Variants in KIF13A observed in about 807,000 individuals in gnomAD.
KIF13A encodes kinesin family member 13A.
KIF13A carries 79 observed loss-of-function variants against 212.2 expected under a neutral mutation model. That is an observed-to-expected ratio of 0.37 (90% CI 0.31 to 0.45). KIF13A has a LOEUF of 0.45. KIF13A is among the 20% of genes least tolerant of loss of function. KIF13A has a pLI of 1.00. For synonymous variants in KIF13A, 789 were observed against 808.6 expected (o/e 0.98, Z 0.41); for missense variants, 1,901 against 2,209.0 (o/e 0.86, Z 2.79).
intron 2 of KIF13A, among the ~76,000 whole-genome samples, chr6:17,910,812 G>T (rs570909850): frequency 7.3e-4 from 111 of 152,334 alleles, no homozygotes; most frequent in Non-Finnish European, 3.2e-4. Context: ...GCCCAGGCTG[G>T]AGTGCAGTGG....
Position 17,919,068 on chromosome 6 carries a change from C to T in KIF13A, c.147-20888G>A, listed in dbSNP as rs931565818. On this transcript the variant is annotated intron_variant, in intron 2 of 38. Coordinates refer to ENST00000259711, the MANE Select transcript of KIF13A (RefSeq NM_022113.6). The surrounding 1 kb of genome is among the most constrained non-coding windows in gnomAD (Gnocchi z 4.1). The stretch of plus-strand genomic sequence containing the variant: ...ATGGACAGATGCAGTCCTTGGCTCA[C>T]ATCAACGGATCACTTGTAACATTTG... Among the ~76,000 whole-genome samples the T allele has an allele frequency of 7.9e-5, 12 of 152,318 alleles. No individual in the cohort carries two copies. The highest frequency in any genetic ancestry group is 2.4e-4 in the African/African-American group (10 of 41,580).
rs1766183911 is a variant in KIF13A, at chr6:17,838,389, A to G, written c.831-806T>C. On this transcript the variant is annotated intron_variant, in intron 9 of 38. Transcript: ENST00000259711. This position sits in a 1 kb window ranked among gnomAD's most constrained non-coding sequence, Gnocchi z 4.2. ...GACACAAACTAGCAAGTGAAAGACT[A>G]GACAGCTTTCTTTGTAATGTTAACA... Among the ~76,000 whole-genome samples, 1 of 152,192 alleles carries G rather than the reference A, an allele frequency of 6.6e-6. No individual in the cohort carries two copies. Among genetic ancestry groups the G allele is most frequent in the Non-Finnish European group, 1.5e-5 (1 of 68,028 alleles).
In KIF13A at chr6:17,792,506, C is replaced by T. The variant is rs191282566; in HGVS notation, c.3222+1743G>A. Among the ~76,000 whole-genome samples the T allele has an allele frequency of 7.0e-4, 107 of 152,312 alleles. 1 individual carries two copies. Among genetic ancestry groups the T allele is most frequent in the Admixed American group, 1.8e-3 (28 of 15,308 alleles). On this transcript the variant is annotated intron_variant, in intron 25 of 38. Coordinates refer to ENST00000259711, the MANE Select transcript of KIF13A (RefSeq NM_022113.6). ...TTAAGAACCCAGGTTTCCTGACTCC[C>T]AGTCTAGTGTTCTCTTTCGACCGTG...
rs1255973038 is a variant in KIF13A, at chr6:17,806,555, T to C, written c.2164-940A>G. On this transcript the variant is annotated intron_variant, in intron 18 of 38. Coordinates refer to ENST00000259711, the MANE Select transcript of KIF13A (RefSeq NM_022113.6). ...AAACAATTTTCTTACTTTTTTTAAA[T>C]TTAGTTTTTCTTTTTTTCTGAGTCA... 2.0e-5 allele frequency among the ~76,000 whole-genome samples: 3 copies of C among 152,222 alleles called. No individual in the cohort carries two copies. The South Asian group carries it at 6.2e-4, about 32-fold the overall frequency.
chr6:17,820,962 T>C (rs896930771), intron 16 of KIF13A, among the ~76,000 whole-genome samples: 5 of 152,204 alleles, frequency 3.3e-5, no homozygotes, highest in African/African-American at 1.2e-4. Context: ...AAAGAACTAT[T>C]TGATCCCAGA....
rs1765148156 is a variant in KIF13A, at chr6:17,828,276, T to A, written c.1496A>T (p.Asp499Val). The A allele has an allele frequency of 6.2e-7, 1 of 1,610,222 alleles. No individual in the cohort carries two copies. The highest frequency in any genetic ancestry group is 8.5e-7 in the Non-Finnish European group (1 of 1,178,130). The change falls in exon 14 of 39, where the codon GAT becomes GTT. Residue 499 changes from aspartate (D) to valine (V), a missense_variant. By Grantham distance (152) the Asp-to-Val change is radical (BLOSUM62 -3). Transcript: ENST00000259711. This position sits in a 1 kb window ranked among gnomAD's most constrained non-coding sequence, Gnocchi z 4.3. ...TTTTGGAGTGAGAGTGACGTCTCCATCAGATGCAATGTCAATCTCACAGTG... is the reference window on the plus strand; with the variant it reads ...TTTTGGAGTGAGAGTGACGTCTCCAACAGATGCAATGTCAATCTCACAGTG... ...PQHCEIDIAS[D>V]GDVTLTPKEN... is the part of the protein sequence containing the mutation.
At chr6:17,950,807 C>T (rs1354738402) in intron 2 of KIF13A, 1 of 978,712 alleles carries the variant, frequency 1.0e-6, no homozygotes, top group Non-Finnish European at 1.2e-6. Context: ...ACTTTTAAAT[C>T]TTTCTTAATT....
At position 17,951,233 on chromosome 6, in the gene KIF13A, G is replaced by A; in HGVS notation, c.146+35821C>T. ...GCAGTGGCTCAAACAGCTCACTGGA[G>A]CCTCCTGCCTCAGTCTCCTGAGTAG... is the stretch of plus-strand genomic sequence containing the variant. On this transcript the variant is annotated intron_variant, in intron 2 of 38. Coordinates refer to ENST00000259711, the MANE Select transcript of KIF13A (RefSeq NM_022113.6). This position sits in a 1 kb window ranked among gnomAD's most constrained non-coding sequence, Gnocchi z 4.9. 4 of 802,808 alleles carry A rather than the reference G, an allele frequency of 5.0e-6. No individual in the cohort carries two copies. The highest frequency in any genetic ancestry group is 7.0e-6 in the Non-Finnish European group (4 of 574,764). The allele number at this position is 802,808 out of a possible 1,614,324, so 49.7% of individuals were successfully genotyped here.
intron 2 of KIF13A, among the ~76,000 whole-genome samples, chr6:17,942,964 G>A (rs890317358): frequency 5.9e-5 from 9 of 152,060 alleles, no homozygotes; most frequent in Non-Finnish European, 1.2e-4. Context: ...GGCCGACAGA[G>A]TGAGACTCTG....
At chr6:17,812,771 T>C (rs945363500) in intron 17 of KIF13A, among the ~76,000 whole-genome samples, 2 of 152,178 alleles carry the variant, frequency 1.3e-5, no homozygotes, top group African/African-American at 4.8e-5. Context: ...TCCACAATGA[T>C]TGAATTAATT....
chr6:17,770,378 T>C (rs914811439), intron 38 of KIF13A: 6 of 116,790 alleles, frequency 5.1e-5, no homozygotes, highest in African/African-American at 2.1e-4. Context: ...TTTTTTTTTT[T>C]TTTTTTGTAA....
At chr6:17,815,907 C>CTTT (rs57780326) in intron 17 of KIF13A, among the ~76,000 whole-genome samples, 5 of 130,544 alleles carry the variant, frequency 3.8e-5, no homozygotes, top group Non-Finnish European at 8.1e-5. Flanking sequence ...TAGTCAGGTT[C>CTTT]TTTTTTTTTT....
In KIF13A at chr6:17,898,673, A is replaced by G. The variant is rs1035431442; in HGVS notation, c.147-493T>C. Among the ~76,000 whole-genome samples, 3 of 152,156 alleles carry G rather than the reference A, an allele frequency of 2.0e-5. No individual in the cohort carries two copies. Among genetic ancestry groups the G allele is most frequent in the Non-Finnish European group, 4.4e-5 (3 of 68,026 alleles). ...TCTCATTTAAAAACCATGGTTTTAA[A>G]TAACTCATATTTTTTAACACTGAAT... On this transcript the variant is annotated intron_variant, in intron 2 of 38. Transcript: ENST00000259711. The surrounding 1 kb of genome is among the most constrained non-coding windows in gnomAD (Gnocchi z 5.2).
Position 17,771,755 on chromosome 6 carries a change from C to T in KIF13A, c.4476+153G>A. On this transcript the variant is annotated intron_variant, in intron 37 of 38. Transcript: ENST00000259711. This position sits in a 1 kb window ranked among gnomAD's most constrained non-coding sequence, Gnocchi z 5.4. Reference sequence around the variant, plus strand: ...AACAAGAGATTCTACCATGACTCTGCATGCTTGAGAAAGAGGAATTCGAGA... The same window carrying T: ...AACAAGAGATTCTACCATGACTCTGTATGCTTGAGAAAGAGGAATTCGAGA... 1 of 659,590 alleles carries T rather than the reference C, an allele frequency of 1.5e-6. No homozygotes were observed. The highest frequency in any genetic ancestry group is 2.4e-5 in the Admixed American group (1 of 42,444). The allele number at this position is 659,590 out of a possible 1,614,324, so 40.9% of individuals were successfully genotyped here.
chr6:17,883,108 C>T lies in KIF13A; in HGVS notation c.160-9671G>A, dbSNP rs913601330. On this transcript the variant is annotated intron_variant, in intron 3 of 38. Transcript: ENST00000259711. This position sits in a 1 kb window ranked among gnomAD's most constrained non-coding sequence, Gnocchi z 4.8. ...GGTATGGTGGCTCATGCCTATAATC[C>T]CAGTGTTTTGAGAGGCTGAGACTGA... Among the ~76,000 whole-genome samples the T allele has an allele frequency of 6.6e-6, 1 of 152,022 alleles. No individual in the cohort carries two copies. Among genetic ancestry groups the T allele is most frequent in the African/African-American group, 2.4e-5 (1 of 41,368 alleles).
intron 2 of KIF13A, among the ~76,000 whole-genome samples, chr6:17,939,311 G>A (rs1472898646): frequency 6.6e-6 from 1 of 152,184 alleles, no homozygotes; most frequent in Non-Finnish European, 1.5e-5. Context: ...ATTCAGTACA[G>A]CAGTGATGAT....
intron 2 of KIF13A, among the ~76,000 whole-genome samples, chr6:17,924,623 A>G (rs1775342866): frequency 6.6e-6 from 1 of 152,220 alleles, no homozygotes; most frequent in Non-Finnish European, 1.5e-5. Flanking sequence ...TGCACTAAAT[A>G]TTCTTTTTTT....
intron 2 of KIF13A, among the ~76,000 whole-genome samples, chr6:17,935,486 T>TCTGGGG (rs749470579): frequency 3.1e-4 from 47 of 152,288 alleles, no homozygotes; most frequent in Admixed American, 9.2e-4. Context: ...GAAGCTCAGT[T>TCTGGGG]CTGGGGCTGG....
rs1338234758 is a variant in KIF13A, at chr6:17,892,530, A to G, written c.159+5638T>C. Among the ~76,000 whole-genome samples the G allele has an allele frequency of 6.6e-6, 1 of 152,156 alleles. No individual in the cohort carries two copies. The highest frequency in any genetic ancestry group is 1.5e-5 in the Non-Finnish European group (1 of 68,028). On this transcript the variant is annotated intron_variant, in intron 3 of 38. Coordinates refer to ENST00000259711, the MANE Select transcript of KIF13A (RefSeq NM_022113.6). The surrounding 1 kb of genome is among the most constrained non-coding windows in gnomAD (Gnocchi z 4.7). ...AGAGTGTCTTTTGTATGCTAATGAG[A>G]TGACTGGTGGCTGGGGTCCCCAGGT...
Sources: gnomAD v4.1 joint callset for allele counts (sites outside exome capture counted in the v4.1 genomes callset) on GRCh38, gnomAD v4.1.1 for gene constraint, Gnocchi (gnomAD v3.1) non-coding constraint, MANE v1.5 for transcripts, NCBI Gene and HGNC (gene_info 2026-07-23, HGNC 2026-07-21) for gene names.